KCNMA1: variants seen among roughly 807,000 people sequenced by gnomAD.
The protein encoded by KCNMA1 is potassium calcium-activated channel subfamily M alpha 1.
In KCNMA1, 29 loss-of-function variants were observed where a neutral mutation model predicts 140.0. The ratio of observed to expected loss-of-function variants is 0.21; its 90% CI spans 0.15 to 0.28. KCNMA1 has a LOEUF of 0.28. KCNMA1 is among the 10% of genes least tolerant of loss of function. KCNMA1 has a pLI of 1.00. For synonymous variants in KCNMA1, 612 were observed against 611.9 expected, an observed-to-expected ratio of 1.00 and a Z score of 0.00; for missense variants, 880 against 1,602.2, an observed-to-expected ratio of 0.55 and a Z score of 7.70.
intron 2 of KCNMA1, among the ~76,000 whole-genome samples, chr10:77,376,108 G>A (rs1189827618): frequency 6.6e-6 from 1 of 152,174 alleles, no homozygotes; most frequent in Admixed American, 6.5e-5. Context: ...ACGGTCCTTG[G>A]TCATTCTAGG....
At chr10:77,552,368 G>T (rs1338101059) in intron 1 of KCNMA1, among the ~76,000 whole-genome samples, 2 of 152,092 alleles carry the variant, frequency 1.3e-5, no homozygotes, top group African/African-American at 4.8e-5. Flanking sequence ...TCATCCTCTG[G>T]GTCTGCTTCC....
chr10:77,443,885 T>C (rs925121051), intron 1 of KCNMA1, among the ~76,000 whole-genome samples: 3 of 152,210 alleles, frequency 2.0e-5, no homozygotes, highest in African/African-American at 7.2e-5. Flanking sequence ...AAATATTATA[T>C]ATTTCAAAGT....
chr10:76,996,955 T>C (rs1291067236), intron 19 of KCNMA1, among the ~76,000 whole-genome samples: 1 of 152,206 alleles, frequency 6.6e-6, no homozygotes, highest in African/African-American at 2.4e-5. Context: ...TTAACAGGCG[T>C]TGGAGACTGT....
intron 1 of KCNMA1, among the ~76,000 whole-genome samples, chr10:77,420,609 T>C (rs2096845965): frequency 6.6e-6 from 1 of 152,204 alleles, no homozygotes; most frequent in Non-Finnish European, 1.5e-5. Context: ...CCAGGGCTTA[T>C]TAATTCTTAT....
rs202188099 is a variant in KCNMA1 at position 77,403,939 on chromosome 10, C to T, written c.463G>A (p.Glu155Lys). 1.7e-5 allele frequency: 27 copies of T among 1,614,058 alleles called. No homozygotes were observed. The highest frequency in any genetic ancestry group is 2.0e-5 in the Non-Finnish European group (24 of 1,180,044). ...VDEKEEAVAAEVGWMTSVKDW... is the reference protein window; with the variant it reads ...VDEKEEAVAAKVGWMTSVKDW... ...TTCACGGAGGTCATCCAGCCGACCT[C>T]GGCGGCCACTGCCTCCTCTTTTTCA... is the stretch of plus-strand genomic sequence containing the variant. The change falls in exon 2 of 28, where the codon GAG becomes AAG. Residue 155 changes from glutamate to lysine, a missense_variant. Physicochemically the swap from Glu to Lys is moderately conservative, Grantham distance 56 (BLOSUM62 1). Coordinates refer to ENST00000286628, the MANE Select transcript of KCNMA1 (RefSeq NM_001161352.2).
At chr10:77,260,919 G>T (rs1337123414) in intron 2 of KCNMA1, among the ~76,000 whole-genome samples, 2 of 152,116 alleles carry the variant, frequency 1.3e-5, no homozygotes, top group African/African-American at 4.8e-5. Flanking sequence ...AGATGGAGAG[G>T]CATAAAATAA....
Position 77,472,465 on chromosome 10 carries a change from G to C in KCNMA1, c.379-68442C>G, listed in dbSNP as rs576573337. On this transcript the variant is annotated intron_variant, in intron 1 of 27. Coordinates refer to ENST00000286628, the MANE Select transcript of KCNMA1 (RefSeq NM_001161352.2). ...GTCACACACACATCACACACACACA[G>C]AGAGCATACATACTAAACACACATC... Among the ~76,000 whole-genome samples the C allele has an allele frequency of 1.2e-4, 18 of 148,996 alleles. No homozygotes were observed. The South Asian group carries it at 2.4e-3, about 20-fold the overall frequency.
At chr10:76,916,319 A>AAGTACAT (rs2052885608) in intron 23 of KCNMA1, among the ~76,000 whole-genome samples, 2 of 152,328 alleles carry the variant, frequency 1.3e-5, no homozygotes, top group South Asian at 4.1e-4. Flanking sequence ...GGTCCAAGCC[A>AAGTACAT]AGTACATACC....
intron 1 of KCNMA1, among the ~76,000 whole-genome samples, chr10:77,411,082 A>G (rs759724522): frequency 6.6e-6 from 1 of 152,202 alleles, no homozygotes; most frequent in Non-Finnish European, 1.5e-5. Flanking sequence ...GGCTCACTGC[A>G]ACCTCTGCCT....
chr10:76,893,546 G>T (rs1254136731), intron 25 of KCNMA1, among the ~76,000 whole-genome samples: 3 of 151,932 alleles, frequency 2.0e-5, no homozygotes, highest in African/African-American at 7.2e-5. Flanking sequence ...TTGGGACCAG[G>T]CTGGCCAACG....
At chr10:77,008,120 G>GT (rs1486960995) in intron 18 of KCNMA1, 1 of 1,442,236 alleles carries the variant, frequency 6.9e-7, no homozygotes, top group African/African-American at 1.4e-5. Flanking sequence ...AATTAAAAGA[G>GT]TATCTCTTCT....
chr10:77,626,417 G>A (rs1446884754), intron 1 of KCNMA1, among the ~76,000 whole-genome samples: 2 of 152,154 alleles, frequency 1.3e-5, no homozygotes, highest in Admixed American at 1.3e-4. Flanking sequence ...GCAGGAAGGA[G>A]AACAACAATG....
chr10:77,078,890 G>A (rs574489437), intron 13 of KCNMA1, among the ~76,000 whole-genome samples: 14 of 152,292 alleles, frequency 9.2e-5, no homozygotes, highest in East Asian at 3.9e-4. Flanking sequence ...TCTGAACCTC[G>A]GGTTCCAATA....
At position 76,914,524 on chromosome 10, in the gene KCNMA1, G is replaced by C. The variant is rs1336335124; in HGVS notation, c.3016+412C>G. 3 of 330,720 alleles carry C rather than the reference G, an allele frequency of 9.1e-6. No homozygotes were observed. In the South Asian group the frequency reaches 1.2e-4, roughly 13 times the overall value. 20.5% of individuals were successfully genotyped at this position (330,720 alleles called of 1,614,324 possible). On this transcript the variant is annotated intron_variant, in intron 24 of 27. Transcript: ENST00000286628. Reference sequence around the variant, plus strand: ...CCCAAAATGGGTTTGGCTTAGATCCGAGGCTTTGTATATCAGTGGAGGACT... The same window carrying C: ...CCCAAAATGGGTTTGGCTTAGATCCCAGGCTTTGTATATCAGTGGAGGACT...
Position 77,379,852 on chromosome 10 carries a change from C to T in KCNMA1, c.540+24010G>A, listed in dbSNP as rs899738418. On this transcript the variant is annotated intron_variant, in intron 2 of 27. Coordinates refer to ENST00000286628, the MANE Select transcript of KCNMA1 (RefSeq NM_001161352.2). ...TTCAATACAAAACATTTGGTGTCCA[C>T]TTGGGTCAGCACCTCCATCAGACTG... Among the ~76,000 whole-genome samples the T allele has an allele frequency of 2.0e-5, 3 of 152,268 alleles. No individual in the cohort carries two copies. In the East Asian group the frequency reaches 5.8e-4, roughly 29 times the overall value.
At chr10:77,529,076 T>TA (rs1473733774) in intron 1 of KCNMA1, among the ~76,000 whole-genome samples, 1 of 152,082 alleles carries the variant, frequency 6.6e-6, no homozygotes, top group Admixed American at 6.5e-5. Context: ...TTATAGTGTG[T>TA]ATATTTTACC....
At chr10:76,950,251 T>C (rs891213002) in intron 21 of KCNMA1, among the ~76,000 whole-genome samples, 2 of 152,200 alleles carry the variant, frequency 1.3e-5, no homozygotes, top group Non-Finnish European at 2.9e-5. Flanking sequence ...CCTTGGACTT[T>C]CCAGGGACAT....
At chr10:77,164,811 T>C (rs2098618300) in intron 5 of KCNMA1, among the ~76,000 whole-genome samples, 1 of 152,192 alleles carries the variant, frequency 6.6e-6, no homozygotes, top group African/African-American at 2.4e-5. Flanking sequence ...AGCAACTGGT[T>C]GAACGTGTTT....
At chr10:77,176,522 T>C (rs1219886878) in intron 5 of KCNMA1, among the ~76,000 whole-genome samples, 1 of 151,778 alleles carries the variant, frequency 6.6e-6, no homozygotes, top group Non-Finnish European at 1.5e-5. Context: ...TCAATAAGGC[T>C]CTCCCCAACG....
Sources: allele counts gnomAD v4.1 joint callset (sites outside exome capture counted in the v4.1 genomes callset), GRCh38; gene constraint gnomAD v4.1.1; transcripts MANE v1.5; gene names NCBI Gene and HGNC (gene_info 2026-07-23, HGNC 2026-07-21).